CSMD1: variants seen among roughly 807,000 people sequenced by gnomAD.
CSMD1 encodes the protein CUB and sushi domain-containing protein 1.
Under a neutral mutation model 417.5 loss-of-function variants are expected in CSMD1, and 213 were observed. That is an observed-to-expected ratio of 0.51 (90% CI 0.46 to 0.57). CSMD1 has a LOEUF of 0.57. Ranked by LOEUF, CSMD1 falls within the 20% of genes least tolerant of loss-of-function variation. The pLI is 0.00. For missense variants in CSMD1, 6,923 were observed against 4,529.7 expected (o/e 1.53, Z -15.17); for synonymous variants, 2,862 against 1,736.8 (o/e 1.65, Z -16.11).
Position 3,960,018 on chromosome 8 carries a change from G to T in CSMD1, c.818+37885C>A, listed in dbSNP as rs533037496. ...CAGTATGTGCGTGAAGCTATTTCAA[G>T]CCTTTGCAAGGAGCCTTCTGGGCAT... is the stretch of plus-strand genomic sequence containing the variant. On this transcript the variant is annotated intron_variant, in intron 5 of 69. Transcript: ENST00000635120. Among the ~76,000 whole-genome samples the T allele has an allele frequency of 3.3e-5, 5 of 152,328 alleles. No homozygotes were observed. In the South Asian group the frequency reaches 1.0e-3, roughly 32 times the overall value.
At chr8:3,222,026 C>G (rs553259358) in intron 28 of CSMD1, among the ~76,000 whole-genome samples, 2 of 152,236 alleles carry the variant, frequency 1.3e-5, no homozygotes, top group African/African-American at 4.8e-5. Flanking sequence ...TCTGGTCTCT[C>G]CCTCCTCACT....
chr8:4,678,163 T>G (rs1020482501), intron 1 of CSMD1, among the ~76,000 whole-genome samples: 5 of 152,024 alleles, frequency 3.3e-5, no homozygotes, highest in African/African-American at 1.2e-4. Flanking sequence ...GTAATCCCAG[T>G]GCTTTAGGAG....
rs931888572 is a variant in CSMD1, at chr8:3,188,309, T to TG, written c.5524-345_5524-344insC. ...TTTTCTTTTTCTTTTCCTTTCTTTT[T>TG]TTTTTTTTTTTTTTTGAGATGGAGT... On this transcript the variant is annotated intron_variant, in intron 35 of 69. Transcript: ENST00000635120. Among the ~76,000 whole-genome samples the TG allele has an allele frequency of 2.6e-4, 34 of 132,146 alleles. No homozygotes were observed. In the East Asian group the frequency reaches 6.0e-3, roughly 23 times the overall value. The allele number at this position is 132,146 out of a possible 152,430, so 86.7% of individuals were successfully genotyped here.
At chr8:3,412,542 A>T (rs772773360) in intron 12 of CSMD1, among the ~76,000 whole-genome samples, 1 of 152,166 alleles carries the variant, frequency 6.6e-6, no homozygotes, top group Non-Finnish European at 1.5e-5. Flanking sequence ...CACTAGCATG[A>T]AGATGTTGAA....
intron 3 of CSMD1, among the ~76,000 whole-genome samples, chr8:4,371,997 A>T (rs1015002283): frequency 6.6e-6 from 1 of 152,226 alleles, no homozygotes; most frequent in East Asian, 1.9e-4. Context: ...GACTGAAGAC[A>T]TAAGAGTTCA....
At chr8:3,465,427 G>A (rs1268604699) in intron 12 of CSMD1, among the ~76,000 whole-genome samples, 1 of 152,140 alleles carries the variant, frequency 6.6e-6, no homozygotes, top group East Asian at 1.9e-4. Context: ...GAGGCCACAG[G>A]TGGGTAGAGT....
At chr8:3,695,087 C>CATGTGTGTGTGTGT (rs138655378) in intron 7 of CSMD1, among the ~76,000 whole-genome samples, 2 of 145,492 alleles carry the variant, frequency 1.4e-5, no homozygotes, top group Admixed American at 1.4e-4. Flanking sequence ...GGAGGCCCTG[C>CATGTGTGTGTGTGT]GTGTGTGTGT....
chr8:4,192,043 A>T (rs1799062759), intron 3 of CSMD1, among the ~76,000 whole-genome samples: 1 of 152,186 alleles, frequency 6.6e-6, no homozygotes, highest in Non-Finnish European at 1.5e-5. Flanking sequence ...CTGCAACAAA[A>T]GTATTTGTGT....
At chr8:3,619,380 A>ATT (rs5888976) in intron 7 of CSMD1, among the ~76,000 whole-genome samples, 5,691 of 150,694 alleles carry the variant, frequency 0.038, 290 homozygotes, top group African/African-American at 0.13. Flanking sequence ...TCAAATGCTT[A>ATT]TTTTTTTTTA....
intron 3 of CSMD1, among the ~76,000 whole-genome samples, chr8:4,287,708 AAGAG>A (rs1372110735): frequency 6.7e-6 from 1 of 149,158 alleles, no homozygotes; most frequent in Non-Finnish European, 1.5e-5. Flanking sequence ...AAGTGTATGA[AAGAG>A]AGGGTTAGCA....
intron 3 of CSMD1, among the ~76,000 whole-genome samples, chr8:4,067,715 G>C (rs552478621): frequency 5.3e-5 from 8 of 152,260 alleles, no homozygotes; most frequent in East Asian, 1.9e-4. Flanking sequence ...ATGTTAGATA[G>C]TGTAATTTGA....
At chr8:3,096,706 A>T (rs1815329906) in intron 47 of CSMD1, 143 bp downstream of exon 47, 1 of 622,936 alleles carries the variant, frequency 1.6e-6, no homozygotes, top group Non-Finnish European at 2.8e-6. Context: ...GCATAACCCC[A>T]AACTAGTTTA....
chr8:4,446,759 G>GTGTGTGTGTGTGTGTGTC (rs1563183315), intron 2 of CSMD1, among the ~76,000 whole-genome samples: 884 of 46,770 alleles, frequency 0.019, 2 homozygotes, highest in African/African-American at 0.089. Flanking sequence ...GTGTGTCTGT[G>GTGTGTGTGTGTGTGTGTC]TGTGTGTGTG....
chr8:3,666,449 T>C (rs535198196), intron 7 of CSMD1, among the ~76,000 whole-genome samples: 4 of 152,292 alleles, frequency 2.6e-5, no homozygotes, highest in African/African-American at 9.6e-5. Context: ...AAGACAGAAA[T>C]ACTGAATCAC....
intron 6 of CSMD1, among the ~76,000 whole-genome samples, chr8:3,735,127 A>T (rs1307125858): frequency 6.6e-6 from 1 of 152,244 alleles, no homozygotes; most frequent in Non-Finnish European, 1.5e-5. Context: ...ACTCTTTTCA[A>T]TCACCAGCAT....
At chr8:4,932,285 T>A (rs1257965850) in intron 1 of CSMD1, among the ~76,000 whole-genome samples, 1 of 151,944 alleles carries the variant, frequency 6.6e-6, no homozygotes, top group African/African-American at 2.4e-5. Flanking sequence ...TACATAAAAT[T>A]GTCTTAAAAA....
chr8:2,947,360 T>C lies in CSMD1; in HGVS notation c.10402+1939A>G, dbSNP rs569373545. ...GGTTATTTTTATCCATAAAAATAGA[T>C]GCTTGCCATCATTCTTAAATGAATG... is the stretch of plus-strand genomic sequence containing the variant. On this transcript the variant is annotated intron_variant, in intron 68 of 69. Coordinates refer to ENST00000635120, the MANE Select transcript of CSMD1 (RefSeq NM_033225.6). Among the ~76,000 whole-genome samples, 9 of 152,356 alleles carry C rather than the reference T, an allele frequency of 5.9e-5. No homozygotes were observed. The South Asian group carries it at 1.7e-3, about 28-fold the overall frequency.
At chr8:3,472,847 T>G (rs1453808414) in intron 11 of CSMD1, among the ~76,000 whole-genome samples, 2 of 152,110 alleles carry the variant, frequency 1.3e-5, no homozygotes, top group African/African-American at 2.4e-5. Context: ...TTTTTTATTC[T>G]TTTCATGTCA....
intron 17 of CSMD1, among the ~76,000 whole-genome samples, chr8:3,392,938 C>A (rs138360347): frequency 7.3e-4 from 111 of 152,120 alleles, no homozygotes; most frequent in Middle Eastern, 3.4e-3. Context: ...CCCTTAGGTG[C>A]AGGGCTGGTG....
Sources: gnomAD v4.1 joint callset for allele counts (sites outside exome capture counted in the v4.1 genomes callset) on GRCh38, gnomAD v4.1.1 for gene constraint, MANE v1.5 for transcripts, NCBI Gene and HGNC (gene_info 2026-07-23, HGNC 2026-07-21) for gene names.